The following LDB2 variants were observed in gnomAD, a reference collection of about 807,000 sequenced individuals.
LDB2 encodes LIM domain-binding protein 2.
A neutral mutation model predicts 44.3 loss-of-function variants in LDB2; 12 were observed. The ratio of observed to expected loss-of-function variants is 0.27; its 90% CI spans 0.17 to 0.44. The LOEUF is 0.44. LDB2 is among the 20% of genes least tolerant of loss of function. The pLI is 1.00. For synonymous variants in LDB2, 164 were observed against 174.8 expected (o/e 0.94, Z 0.49); for missense variants, 344 against 473.5 (o/e 0.73, Z 2.54).
intron 1 of LDB2, among the ~76,000 whole-genome samples, chr4:16,797,020 T>C (rs1776865795): frequency 6.6e-6 from 1 of 152,036 alleles, no homozygotes; most frequent in South Asian, 2.1e-4. Flanking sequence ...AGCCTGAAAA[T>C]ATTATGAAAA....
At chr4:16,609,243 G>GC (rs1439832075) in intron 2 of LDB2, among the ~76,000 whole-genome samples, 3 of 151,432 alleles carry the variant, frequency 2.0e-5, no homozygotes, top group African/African-American at 7.3e-5. Context: ...GATCCCACTT[G>GC]CGAACCCACG....
At chr4:16,602,375 C>A (rs555340805) in intron 2 of LDB2, among the ~76,000 whole-genome samples, 1 of 152,194 alleles carries the variant, frequency 6.6e-6, no homozygotes, top group East Asian at 1.9e-4. Context: ...GGGCAAAAGC[C>A]CTAAGACAGG....
intron 1 of LDB2, among the ~76,000 whole-genome samples, chr4:16,863,583 A>G (rs777318637): frequency 6.6e-6 from 1 of 151,892 alleles, no homozygotes; most frequent in African/African-American, 2.4e-5. Context: ...TGAGTTTTAT[A>G]CAACAGAGGT....
chr4:16,805,806 GAC>G (rs1778677888), intron 1 of LDB2, among the ~76,000 whole-genome samples: 1 of 152,200 alleles, frequency 6.6e-6, no homozygotes, highest in African/African-American at 2.4e-5. Flanking sequence ...CCTATTGCCT[GAC>G]AGTATTCTCA....
chr4:16,770,890 C>T (rs1471562140), intron 1 of LDB2, among the ~76,000 whole-genome samples: 1 of 152,122 alleles, frequency 6.6e-6, no homozygotes, highest in Non-Finnish European at 1.5e-5. Context: ...AGCTCTGTGG[C>T]AGTGAGCACC....
intron 2 of LDB2, among the ~76,000 whole-genome samples, chr4:16,749,826 T>C (rs1471883267): frequency 3.3e-5 from 5 of 152,024 alleles, no homozygotes; most frequent in Admixed American, 2.6e-4. Flanking sequence ...CAAATATCTA[T>C]TGAAAGCTTT....
intron 2 of LDB2, among the ~76,000 whole-genome samples, chr4:16,681,618 CTTTTTTTTTTTTTT>C (rs536589787): frequency 1.6e-5 from 1 of 61,670 alleles, no homozygotes; most frequent in Admixed American, 2.6e-4. Context: ...GTATTCTATT[CTTTTTTTTTTTTTT>C]TTTTTTTTTT....
chr4:16,861,490 C>T lies in LDB2; in HGVS notation c.132+36864G>A, dbSNP rs560325717. Among the ~76,000 whole-genome samples the T allele has an allele frequency of 8.5e-5, 13 of 152,264 alleles. No individual in the cohort carries two copies. In the South Asian group the frequency reaches 2.7e-3, roughly 32 times the overall value. On this transcript the variant is annotated intron_variant, in intron 1 of 7. Transcript: ENST00000304523. ...CCATCACTATACTGCTATAGTTGCTCAAAGAACACAGCAGAAGTAACAATT... is the reference window on the plus strand; with the variant it reads ...CCATCACTATACTGCTATAGTTGCTTAAAGAACACAGCAGAAGTAACAATT...
rs369605183 is a variant in LDB2, at chr4:16,819,460, GAAAAA to G, written c.133-60205_133-60201del. Among the ~76,000 whole-genome samples, 64 of 93,470 alleles carry G rather than the reference GAAAAA, an allele frequency of 6.8e-4. No homozygotes were observed. The South Asian group carries it at 0.017, about 25-fold the overall frequency. 61.3% of individuals were successfully genotyped at this position (93,470 alleles called of 152,430 possible). Reference sequence around the variant, plus strand: ...CTGAACCTCACTTTCCTGCACTCAGGAAAAAAAAAAAAAAAAAAAAGAAATTTCTG... The same window carrying G: ...CTGAACCTCACTTTCCTGCACTCAGGAAAAAAAAAAAAAAAGAAATTTCTG... On this transcript the variant is annotated intron_variant, in intron 1 of 7. Transcript: ENST00000304523.
At chr4:16,803,789 A>G (rs1201627056) in intron 1 of LDB2, among the ~76,000 whole-genome samples, 1 of 152,226 alleles carries the variant, frequency 6.6e-6, no homozygotes, top group Non-Finnish European at 1.5e-5. Flanking sequence ...AGGTTTGTTC[A>G]TAAGATGAAG....
At chr4:16,641,763 C>G (rs1410663690) in intron 2 of LDB2, among the ~76,000 whole-genome samples, 1 of 151,988 alleles carries the variant, frequency 6.6e-6, no homozygotes, top group Non-Finnish European at 1.5e-5. Flanking sequence ...TTGAGGGGGA[C>G]ACATATACAA....
chr4:16,833,238 T>C (rs1405683314), intron 1 of LDB2, among the ~76,000 whole-genome samples: 1 of 152,210 alleles, frequency 6.6e-6, no homozygotes, highest in Non-Finnish European at 1.5e-5. Flanking sequence ...AGGGAATATG[T>C]CTGATTAGTC....
Position 16,739,725 on chromosome 4 carries a change from T to C in LDB2, c.235+19433A>G, listed in dbSNP as rs1033110385. On this transcript the variant is annotated intron_variant, in intron 2 of 7. Transcript: ENST00000304523. ...ATATGTGTATATATGTATATATACA[T>C]ATATGTGTATATACATACATATACA... Among the ~76,000 whole-genome samples the C allele has an allele frequency of 2.5e-5, 3 of 121,880 alleles. 1 individual carries two copies. The highest frequency in any genetic ancestry group is 3.3e-5 in the Non-Finnish European group (2 of 60,746). 80.0% of individuals were successfully genotyped at this position (121,880 alleles called of 152,430 possible). A position where few individuals can be genotyped will look rare whatever the true frequency, so the allele number is the denominator to read the frequency against.
intron 1 of LDB2, among the ~76,000 whole-genome samples, chr4:16,869,692 T>G (rs13104451): frequency 0.29 from 43,555 of 152,040 alleles, 6,862 homozygotes; most frequent in East Asian, 0.69. Context: ...AAATTATGAC[T>G]ATTATTGAGT....
chr4:16,661,501 G>C (rs1173193240), intron 2 of LDB2, among the ~76,000 whole-genome samples: 1 of 152,142 alleles, frequency 6.6e-6, no homozygotes, highest in African/African-American at 2.4e-5. Context: ...TCTTCAGTGG[G>C]GATGATACAA....
intron 2 of LDB2, among the ~76,000 whole-genome samples, chr4:16,692,129 G>A (rs75455896): frequency 6.6e-6 from 1 of 151,650 alleles, no homozygotes; most frequent in African/African-American, 2.4e-5. Flanking sequence ...AAAAAAAAAA[G>A]TGTTCTTAGA....
chr4:16,705,487 G>T (rs1254803977), intron 2 of LDB2, among the ~76,000 whole-genome samples: 1 of 152,092 alleles, frequency 6.6e-6, no homozygotes, highest in East Asian at 1.9e-4. Context: ...AGAACAACAT[G>T]ACCTAAAGCT....
At chr4:16,506,396 A>G (rs1719450677) in intron 7 of LDB2, 1 of 162,030 alleles carries the variant, frequency 6.2e-6, no homozygotes, top group African/African-American at 2.4e-5. Context: ...GCTCTTAATC[A>G]CACAAAATGC....
chr4:16,545,441 C>G (rs924505860), intron 5 of LDB2, among the ~76,000 whole-genome samples: 2 of 152,194 alleles, frequency 1.3e-5, no homozygotes, highest in African/African-American at 4.8e-5. Flanking sequence ...TACTTTCCTT[C>G]TAACTTTTAC....
Sources: gnomAD v4.1 joint callset for allele counts (sites outside exome capture counted in the v4.1 genomes callset) on GRCh38, gnomAD v4.1.1 for gene constraint, MANE v1.5 for transcripts, NCBI Gene and HGNC (gene_info 2026-07-23, HGNC 2026-07-21) for gene names.